Variants in GNG7 observed in about 807,000 individuals in gnomAD.
The protein encoded by GNG7 is G protein subunit gamma 7, also known as guanine nucleotide-binding protein G(I)/G(S)/G(O) subunit gamma-7.
GNG7 carries 1 observed loss-of-function variant against 4.0 expected under a neutral mutation model. The ratio of observed to expected loss-of-function variants is 0.25; its 90% CI spans 0.09 to 1.18. GNG7 has a LOEUF of 1.18. GNG7 is among the 50% of genes most tolerant of loss of function. GNG7 has a pLI of 0.50. For synonymous variants in GNG7, 34 were observed against 36.9 expected (o/e 0.92, Z 0.29); for missense variants, 86 against 91.9 (o/e 0.94, Z 0.26).
Position 2,592,504 on chromosome 19 carries a change from G to T in GNG7, c.-77-37316C>A, listed in dbSNP as rs995550425. 2.0e-5 allele frequency among the ~76,000 whole-genome samples: 3 copies of T among 152,146 alleles called. No homozygotes were observed. In the East Asian group the frequency reaches 5.8e-4, roughly 29 times the overall value. ...AATCCCAGCACTTTGGGAGACTGAG[G>T]CAGGAAGATCGCTTGAGCCCAGGAG... On this transcript the variant is annotated intron_variant, in intron 2 of 4. Coordinates refer to ENST00000382159, the MANE Select transcript of GNG7 (RefSeq NM_052847.3).
intron 2 of GNG7, among the ~76,000 whole-genome samples, chr19:2,615,299 G>A (rs1332424926): frequency 1.3e-5 from 2 of 151,640 alleles, no homozygotes; most frequent in East Asian, 1.9e-4. Flanking sequence ...CCTCCAGGGA[G>A]CCCTCCAGAA....
At chr19:2,596,399 G>A (rs1202374770) in intron 2 of GNG7, among the ~76,000 whole-genome samples, 1 of 152,044 alleles carries the variant, frequency 6.6e-6, no homozygotes, top group African/African-American at 2.4e-5. Context: ...CCAGCGCGGG[G>A]CTCACACCTG....
At chr19:2,590,713 T>TCATCCATC (rs1231833220) in intron 2 of GNG7, among the ~76,000 whole-genome samples, 1 of 68,426 alleles carries the variant, frequency 1.5e-5, no homozygotes, top group Middle Eastern at 7.6e-3. Flanking sequence ...ATCCACCCAT[T>TCATCCATC]CATCCATCCA....
chr19:2,540,444 C>G lies in GNG7; in HGVS notation c.-38+14705G>C, dbSNP rs544320146. On this transcript the variant is annotated intron_variant, in intron 3 of 4. Coordinates refer to ENST00000382159, the MANE Select transcript of GNG7 (RefSeq NM_052847.3). The stretch of plus-strand genomic sequence containing the variant: ...TGGGATTACAGACGGAGCCTCCACA[C>G]TCGGCCTGTGCTCTAAGACTGATTC... Among the ~76,000 whole-genome samples the G allele has an allele frequency of 3.9e-3, 597 of 152,352 alleles. 6 individuals are homozygous for G. The highest frequency in any genetic ancestry group is 7.1e-3 in the Non-Finnish European group (485 of 68,038).
At position 2,669,287 on chromosome 19, in the gene GNG7, C is replaced by T. The variant is rs537631928; in HGVS notation, c.-134-23007G>A. On this transcript the variant is annotated intron_variant, in intron 1 of 4. Transcript: ENST00000382159. Reference sequence around the variant, plus strand: ...CGGGCAGATCACGAGGTCGGGAGTTCGAGACCAGCCTGACCAACATGGTGA... The same window carrying T: ...CGGGCAGATCACGAGGTCGGGAGTTTGAGACCAGCCTGACCAACATGGTGA... Among the ~76,000 whole-genome samples, 20 of 152,014 alleles carry T rather than the reference C, an allele frequency of 1.3e-4. 1 individual carries two copies. Among genetic ancestry groups the T allele is most frequent in the South Asian group, 1.0e-3 (5 of 4,808 alleles).
chr19:2,644,320 C>T (rs1408861327), intron 2 of GNG7, among the ~76,000 whole-genome samples: 1 of 134,132 alleles, frequency 7.5e-6, no homozygotes, highest in African/African-American at 2.7e-5. Flanking sequence ...TGCACCCGGC[C>T]TACACTTTAT....
chr19:2,532,011 C>A (rs60241069), intron 3 of GNG7, among the ~76,000 whole-genome samples: 43,122 of 151,538 alleles, frequency 0.28, 6,445 homozygotes, highest in East Asian at 0.51. Context: ...ATTAGCCGGG[C>A]GCCATGGCAG....
At chr19:2,551,239 C>T (rs891241838) in intron 3 of GNG7, among the ~76,000 whole-genome samples, 4 of 152,148 alleles carry the variant, frequency 2.6e-5, no homozygotes, top group East Asian at 3.9e-4. Flanking sequence ...TCTGGTCTCC[C>T]GGTCAGAAAA....
At chr19:2,647,318 C>T (rs546729958) in intron 1 of GNG7, among the ~76,000 whole-genome samples, 8 of 152,106 alleles carry the variant, frequency 5.3e-5, no homozygotes, top group South Asian at 2.1e-4. Flanking sequence ...TGTCCCAGCT[C>T]GCTGCTGGGG....
At chr19:2,527,124 G>GT (rs2144734082) in intron 3 of GNG7, among the ~76,000 whole-genome samples, 1 of 152,312 alleles carries the variant, frequency 6.6e-6, no homozygotes, top group African/African-American at 2.4e-5. Context: ...GATTACAGGC[G>GT]TGAGCCACTG....
intron 2 of GNG7, among the ~76,000 whole-genome samples, chr19:2,597,911 AAAG>A (rs1161520632): frequency 5.4e-5 from 8 of 148,944 alleles, no homozygotes; most frequent in Non-Finnish European, 1.1e-4. Flanking sequence ...AAAAAAAAAA[AAAG>A]AAATTAAATT....
intron 2 of GNG7, among the ~76,000 whole-genome samples, chr19:2,606,942 C>T (rs906915835): frequency 1.3e-5 from 2 of 151,568 alleles, no homozygotes; most frequent in Non-Finnish European, 2.9e-5. Flanking sequence ...AAACAAGGGC[C>T]GGGCACCGTG....
chr19:2,655,614 G>A (rs111393556), intron 1 of GNG7, among the ~76,000 whole-genome samples: 6,409 of 151,822 alleles, frequency 0.042, 457 homozygotes, highest in African/African-American at 0.15. Context: ...TGAGGTGGGC[G>A]GCTCACAAGG....
intron 2 of GNG7, among the ~76,000 whole-genome samples, chr19:2,638,268 C>T (rs1329914965): frequency 1.3e-5 from 2 of 150,374 alleles, no homozygotes; most frequent in Non-Finnish European, 3.0e-5. Context: ...GAGGCCGAGG[C>T]AGAGAATTAC....
chr19:2,699,319 TTG>T (rs1913344886), intron 1 of GNG7, among the ~76,000 whole-genome samples: 3 of 152,122 alleles, frequency 2.0e-5, no homozygotes, highest in African/African-American at 4.8e-5. Context: ...CAGTTAGTTT[TTG>T]TATTTTTAGT....
Position 2,535,052 on chromosome 19 carries a change from A to G in GNG7, c.-37-14327T>C, listed in dbSNP as rs562965923. Among the ~76,000 whole-genome samples the G allele has an allele frequency of 3.9e-5, 6 of 152,346 alleles. No individual in the cohort carries two copies. In the East Asian group the frequency reaches 1.2e-3, roughly 29 times the overall value. On this transcript the variant is annotated intron_variant, in intron 3 of 4. Transcript: ENST00000382159. Reference sequence around the variant, plus strand: ...CCCCATGGACCAGTCAAGTTAACACATAAAATTAACAGTTACAACAATCTT... The same window carrying G: ...CCCCATGGACCAGTCAAGTTAACACGTAAAATTAACAGTTACAACAATCTT...
chr19:2,588,893 C>G (rs1032256979), intron 2 of GNG7, among the ~76,000 whole-genome samples: 1 of 152,140 alleles, frequency 6.6e-6, no homozygotes, highest in African/African-American at 2.4e-5. Flanking sequence ...TGACATCAGC[C>G]GTCCCTTGCT....
In GNG7 at chr19:2,530,931, G is replaced by A. The variant is rs533861343; in HGVS notation, c.-37-10206C>T. Among the ~76,000 whole-genome samples, 4 of 152,250 alleles carry A rather than the reference G, an allele frequency of 2.6e-5. No homozygotes were observed. The East Asian group carries it at 7.7e-4, about 29-fold the overall frequency. On this transcript the variant is annotated intron_variant, in intron 3 of 4. Coordinates refer to ENST00000382159, the MANE Select transcript of GNG7 (RefSeq NM_052847.3). ...ACGAGGCCAAGGGTACAGAAATTGA[G>A]GTCCAGGGTTTCCTGAGGAGAGAAG...
intron 2 of GNG7, among the ~76,000 whole-genome samples, chr19:2,573,078 T>G (rs1980199162): frequency 1.4e-5 from 2 of 146,488 alleles, no homozygotes; most frequent in South Asian, 4.4e-4. Flanking sequence ...TAGGCTGGAG[T>G]GCAGTGGTGC....
Sources: allele counts gnomAD v4.1 joint callset (sites outside exome capture counted in the v4.1 genomes callset), GRCh38; gene constraint gnomAD v4.1.1; transcripts MANE v1.5; gene names NCBI Gene and HGNC (gene_info 2026-07-23, HGNC 2026-07-21).